CHCHD6: variants seen among roughly 807,000 people sequenced by gnomAD.
CHCHD6 encodes MICOS complex subunit MIC25.
Under a neutral mutation model 32.3 loss-of-function variants are expected in CHCHD6, and 28 were observed. The ratio of observed to expected loss-of-function variants is 0.87; its 90% CI spans 0.64 to 1.19. The LOEUF is 1.19. CHCHD6 is among the 50% of genes most tolerant of loss of function. The pLI is 0.00. For synonymous variants in CHCHD6, 122 were observed against 117.5 expected, an observed-to-expected ratio of 1.04 and a Z score of -0.25; for missense variants, 333 against 307.0, an observed-to-expected ratio of 1.08 and a Z score of -0.63.
chr3:126,852,493 A>G (rs1340892631), intron 4 of CHCHD6, 154 bp from the exon 5 acceptor site: 8 of 598,284 alleles, frequency 1.3e-5, no homozygotes, highest in Non-Finnish European at 2.2e-5. Flanking sequence ...AGCACAATAT[A>G]TGTGAATGAT....
At chr3:126,803,062 A>C (rs370454890) in intron 4 of CHCHD6, among the ~76,000 whole-genome samples, 6 of 152,222 alleles carry the variant, frequency 3.9e-5, no homozygotes, top group South Asian at 2.1e-4. Flanking sequence ...TCCTGACACA[A>C]GCACTAAACG....
intron 4 of CHCHD6, among the ~76,000 whole-genome samples, chr3:126,783,848 T>G (rs1214465167): frequency 1.3e-5 from 2 of 151,968 alleles, no homozygotes; most frequent in African/African-American, 4.8e-5. Flanking sequence ...TTTTACGTGG[T>G]GGGAGGGGGG....
intron 4 of CHCHD6, among the ~76,000 whole-genome samples, chr3:126,756,466 C>T (rs1936961078): frequency 6.6e-6 from 1 of 152,158 alleles, no homozygotes; most frequent in African/African-American, 2.4e-5. Flanking sequence ...TTCTGATGTA[C>T]ATGCCATATG....
chr3:126,822,124 A>G (rs1156299819), intron 4 of CHCHD6, among the ~76,000 whole-genome samples: 2 of 152,194 alleles, frequency 1.3e-5, no homozygotes, highest in Non-Finnish European at 1.5e-5. Flanking sequence ...ACACGTATCT[A>G]TAAAAATCCA....
intron 6 of CHCHD6, among the ~76,000 whole-genome samples, chr3:126,946,508 T>C (rs1185249265): frequency 2.6e-5 from 4 of 152,070 alleles, no homozygotes; most frequent in Non-Finnish European, 5.9e-5. Flanking sequence ...CCCCAGGCTC[T>C]CTCGCAAGCC....
chr3:126,927,214 G>A (rs966865289), intron 6 of CHCHD6, among the ~76,000 whole-genome samples: 8 of 152,162 alleles, frequency 5.3e-5, no homozygotes, highest in East Asian at 1.9e-4. Context: ...GCTGGCAAGC[G>A]CAGGGCAGCA....
chr3:126,766,792 A>G, intron 4 of CHCHD6: 1 of 1,072,080 alleles, frequency 9.3e-7, no homozygotes, highest in Non-Finnish European at 1.5e-6. Flanking sequence ...CAGACCACCC[A>G]CTTCACTGAT....
chr3:126,732,433 T>C (rs1325670645), intron 3 of CHCHD6, among the ~76,000 whole-genome samples: 2 of 152,238 alleles, frequency 1.3e-5, no homozygotes, highest in African/African-American at 4.8e-5. Context: ...TTATTGGTTC[T>C]CAGTTTTTAG....
Position 126,909,503 on chromosome 3 carries a change from T to C in CHCHD6, c.496-5177T>C, listed in dbSNP as rs1026268308. Among the ~76,000 whole-genome samples, 6 of 152,216 alleles carry C rather than the reference T, an allele frequency of 3.9e-5. No individual in the cohort carries two copies. The East Asian group carries it at 9.6e-4, about 24-fold the overall frequency. On this transcript the variant is annotated intron_variant, in intron 5 of 7. Transcript: ENST00000290913. ...TGGAGAAATCAGACAGTATGAAATA[T>C]GAAAACTGCTCGGGAAGTAATTGAA...
At chr3:126,957,656 G>A (rs2078806078) in intron 7 of CHCHD6, 105 bp downstream of exon 7, 5 of 1,350,678 alleles carry the variant, frequency 3.7e-6, no homozygotes, top group Non-Finnish European at 5.1e-6. Flanking sequence ...GTTAGAATCA[G>A]ATGCTCCACT....
chr3:126,727,412 C>G (rs1935587347), intron 2 of CHCHD6, among the ~76,000 whole-genome samples: 1 of 152,220 alleles, frequency 6.6e-6, no homozygotes, highest in South Asian at 2.1e-4. Context: ...CTCTGTGCCA[C>G]TTTCTCCATG....
intron 1 of CHCHD6, among the ~76,000 whole-genome samples, chr3:126,726,407 T>A (rs533874521): frequency 3.9e-5 from 6 of 152,300 alleles, no homozygotes; most frequent in African/African-American, 1.2e-4. Flanking sequence ...TGATCACAGA[T>A]CACTGTAACA....
chr3:126,828,385 C>T (rs1559868086), intron 4 of CHCHD6, among the ~76,000 whole-genome samples: 1 of 152,194 alleles, frequency 6.6e-6, no homozygotes, highest in Non-Finnish European at 1.5e-5. Flanking sequence ...ATGCCCAGGC[C>T]TCCAGTATCA....
chr3:126,770,998 T>G (rs1261980974), intron 4 of CHCHD6, among the ~76,000 whole-genome samples: 1 of 152,176 alleles, frequency 6.6e-6, no homozygotes, highest in Non-Finnish European at 1.5e-5. Context: ...GCTAATTCAA[T>G]TCTGGAACTT....
chr3:126,753,658 C>G (rs1413905826), intron 4 of CHCHD6, among the ~76,000 whole-genome samples: 1 of 152,218 alleles, frequency 6.6e-6, no homozygotes, highest in East Asian at 1.9e-4. Flanking sequence ...TTGCCCCTGT[C>G]TCTCTCTCTG....
intron 4 of CHCHD6, among the ~76,000 whole-genome samples, chr3:126,738,645 C>T (rs555852183): frequency 6.6e-6 from 1 of 152,252 alleles, no homozygotes; most frequent in East Asian, 1.9e-4. Context: ...GGATGTGTTA[C>T]TGCTTTGAAG....
At chr3:126,735,098 C>T (rs1270521949) in intron 4 of CHCHD6, among the ~76,000 whole-genome samples, 1 of 152,098 alleles carries the variant, frequency 6.6e-6, no homozygotes, top group Non-Finnish European at 1.5e-5. Context: ...GCCTGACAAC[C>T]AAGTAAGAAG....
intron 1 of CHCHD6, among the ~76,000 whole-genome samples, chr3:126,719,881 C>CT (rs200016987): frequency 0.11 from 15,871 of 147,556 alleles, 878 homozygotes; most frequent in Middle Eastern, 0.22. Flanking sequence ...TCAGAGTCTT[C>CT]TTTTTTTTTT....
At position 126,704,296 on chromosome 3, in the gene CHCHD6, C is replaced by T. The variant is rs375259651; in HGVS notation, c.-17C>T. 4.8e-4 allele frequency: 763 copies of T among 1,597,540 alleles called. 2 individuals are homozygous for T. Among genetic ancestry groups the T allele is most frequent in the Non-Finnish European group, 4.6e-4 (539 of 1,173,074 alleles). On this transcript the variant is annotated 5_prime_UTR_variant, in exon 1 of 8. Transcript: ENST00000290913. The stretch of plus-strand genomic sequence containing the variant: ...GGGTCTCGGGTCTGGTGGCTGCCGG[C>T]CCTGCGGCATCTCGCCATGGGGAGC...
Sources: gnomAD v4.1 joint callset for allele counts (sites outside exome capture counted in the v4.1 genomes callset) on GRCh38, gnomAD v4.1.1 for gene constraint, MANE v1.5 for transcripts, NCBI Gene and HGNC (gene_info 2026-07-23, HGNC 2026-07-21) for gene names.